ENTR1: variants seen among roughly 807,000 people sequenced by gnomAD.
ENTR1 encodes the protein endosome associated trafficking regulator 1.
A neutral mutation model predicts 47.9 loss-of-function variants in ENTR1; 47 were observed. That is an observed-to-expected ratio of 0.98 (90% CI 0.78 to 1.25). The LOEUF is 1.25. Among genes scored for constraint, ENTR1 ranks in the 50% most tolerant of loss-of-function variants. The pLI is 0.00. For synonymous variants in ENTR1, 290 were observed against 245.8 expected (o/e 1.18, Z -1.68); for missense variants, 668 against 570.5 (o/e 1.17, Z -1.74).
rs774493909 is a variant in ENTR1 at position 136,409,975 on chromosome 9, G to A, written c.220+115C>T. 13 of 1,278,770 alleles carry A rather than the reference G, an allele frequency of 1.0e-5. No homozygotes were observed. In the East Asian group the frequency reaches 2.8e-4, roughly 28 times the overall value. The allele number at this position is 1,278,770 out of a possible 1,614,324, so 79.2% of individuals were successfully genotyped here. On this transcript the variant is annotated intron_variant, in intron 2 of 9. Coordinates refer to ENST00000357365, the MANE Select transcript of ENTR1 (RefSeq NM_001039707.2). ...CCTTTGAATTCCGAGTGCCTGGCACGCAGTGAGCGCTCTGCACATTGATGG... is the reference window on the plus strand; with the variant it reads ...CCTTTGAATTCCGAGTGCCTGGCACACAGTGAGCGCTCTGCACATTGATGG...
Position 136,407,946 on chromosome 9 carries a change from A to G in ENTR1, c.290-8T>C. On this transcript the variant is annotated splice_region_variant and splice_polypyrimidine_tract_variant and intron_variant, in intron 3 of 9. Transcript: ENST00000357365. ...GATCTTCAAATCTGTCATCTGAAAT[A>G]ACAGACATCACAAATGCATAAAGTC... is the stretch of plus-strand genomic sequence containing the variant. The G allele has an allele frequency of 6.5e-7, 1 of 1,533,524 alleles. No homozygotes were observed. Among genetic ancestry groups the G allele is most frequent in the Non-Finnish European group, 9.0e-7 (1 of 1,107,026 alleles). 95.0% of individuals were successfully genotyped at this position (1,533,524 alleles called of 1,614,324 possible).
At chr9:136,404,961 A>C (rs1245078436) in intron 7 of ENTR1, 130 bp downstream of exon 7, 1 of 762,594 alleles carries the variant, frequency 1.3e-6, no homozygotes, top group Non-Finnish European at 2.2e-6. Context: ...ACGTCAAAGA[A>C]CACCAGTCCC....
rs764222238 is a variant in ENTR1 at position 136,404,609 on chromosome 9, TG to T, written c.1068+21del. ...GACTCCACAAATCAAAGAAAAACAC[TG>T]AAGTCCCTTCCTTTAATTACCTGGA... On this transcript the variant is annotated intron_variant, in intron 8 of 9. Transcript: ENST00000357365. The T allele has an allele frequency of 1.6e-5, 25 of 1,611,872 alleles. No individual in the cohort carries two copies. In the South Asian group the frequency reaches 2.7e-4, roughly 18 times the overall value.
chr9:136,405,194 G>A lies in ENTR1; in HGVS notation c.902C>T (p.Thr301Met), dbSNP rs959012211. The stretch of plus-strand genomic sequence containing the variant: ...TTTTGCTTCTAACTTCCGCTCAAGC[G>A]TCCTCACCCTTGTTAAAGAAAAACC... ...FSEAQTEMVR[T>M]LERKLEAKMI... Residue 301 changes from threonine (T) to methionine (M), a missense_variant, in exon 7 of 10, where the codon ACG becomes ATG. Coordinates refer to ENST00000357365, the MANE Select transcript of ENTR1 (RefSeq NM_001039707.2). 20 of 1,613,250 alleles carry A rather than the reference G, an allele frequency of 1.2e-5. No individual in the cohort carries two copies. The Middle Eastern group carries it at 4.9e-4, about 40-fold the overall frequency.
At position 136,410,213 on chromosome 9, in the gene ENTR1, A is replaced by G. The variant is rs775923508; in HGVS notation, c.97T>C (p.Cys33Arg). ...DAPAFYERRS[C>R]LPQLNCERPH... ...CGCTCACAATTTAGCTGGGGGAGAC[A>G]AGACCGGCGCTCATAGAACGCTGGA... Residue 33 changes from cysteine to arginine, a missense_variant, in exon 2 of 10, where the codon TGT becomes CGT. Cys to Arg is a radical substitution (Grantham distance 180). Coordinates refer to ENST00000357365, the MANE Select transcript of ENTR1 (RefSeq NM_001039707.2). 21 of 1,592,894 alleles carry G rather than the reference A, an allele frequency of 1.3e-5. No homozygotes were observed. The highest frequency in any genetic ancestry group is 7.2e-5 in the Admixed American group (4 of 55,406).
Position 136,402,863 on chromosome 9 carries a change from T to C in ENTR1, c.1233A>G (p.Thr411=), listed in dbSNP as rs761719699. Residue 411 remains threonine (T), a synonymous_variant, in exon 10 of 10, where the codon ACA becomes ACG. Coordinates refer to ENST00000357365, the MANE Select transcript of ENTR1 (RefSeq NM_001039707.2). The part of the protein sequence containing the change: ...SIKQLVSGAE[T]LNLVAEILKS... ...TAAGGATTTCGGCAACAAGATTCAG[T>C]GTCTCAGCTCCGGAAACCAGTTGCC... The C allele has an allele frequency of 3.7e-6, 6 of 1,611,604 alleles. No homozygotes were observed. Among genetic ancestry groups the C allele is most frequent in the Admixed American group, 3.3e-5 (2 of 59,778 alleles).
intron 9 of ENTR1, among the ~76,000 whole-genome samples, chr9:136,403,210 C>A (rs947845531): frequency 9.0e-6 from 1 of 111,292 alleles, no homozygotes; most frequent in Non-Finnish European, 1.8e-5. Context: ...GGAGGGATTC[C>A]ACAGGGGAAG....
rs773176688 is a variant in ENTR1, at chr9:136,407,442, CAGG to C, written c.519_521del (p.Leu174del). On this transcript the variant is annotated inframe_deletion, in exon 5 of 10. Coordinates refer to ENST00000357365, the MANE Select transcript of ENTR1 (RefSeq NM_001039707.2). ...CGGTGTCCTCATCCTCCTCCTCATC[CAGG>C]AGGTCACCAGCCCCTGTCGGATCCT... 1.3e-4 allele frequency: 207 copies of C among 1,610,812 alleles called. 1 individual carries two copies. In the East Asian group the frequency reaches 4.0e-3, roughly 31 times the overall value.
chr9:136,404,553 T>G (rs1414162637), intron 8 of ENTR1, 78 bp downstream of exon 8: 26 of 1,481,714 alleles, frequency 1.8e-5, no homozygotes, highest in Non-Finnish European at 2.4e-5. Context: ...CAGCAGAGTC[T>G]TTCGCCTCTT....
chr9:136,409,161 G>T, intron 2 of ENTR1, 94 bp from the exon 3 acceptor site: 1 of 1,041,832 alleles, frequency 9.6e-7, no homozygotes, highest in Non-Finnish European at 1.5e-6. Flanking sequence ...CTCCACTGCA[G>T]TGGTTCTCAC....
At chr9:136,403,226 T>C (rs1588779857) in intron 9 of ENTR1, among the ~76,000 whole-genome samples, 1 of 55,268 alleles carries the variant, frequency 1.8e-5, no homozygotes, top group East Asian at 4.5e-4. Flanking sequence ...GGAAGGGTTC[T>C]GGCGGGGAGA....
At chr9:136,409,735 C>A in intron 2 of ENTR1, 2 of 388,194 alleles carry the variant, frequency 5.2e-6, no homozygotes, top group South Asian at 2.0e-5. Context: ...GAGGACGAAC[C>A]AGATCTGGCC....
Position 136,402,880 on chromosome 9 carries a change from C to A in ENTR1, c.1216G>T (p.Val406Phe), listed in dbSNP as rs1468525627. Residue 406 changes from valine to phenylalanine, a missense_variant, in exon 10 of 10, where the codon GTT becomes TTT. By Grantham distance (50) the Val-to-Phe change is conservative. Coordinates refer to ENST00000357365, the MANE Select transcript of ENTR1 (RefSeq NM_001039707.2). ...NSAQASIKQL[V>F]SGAETLNLVA... is the part of the protein sequence containing the mutation. ...AGATTCAGTGTCTCAGCTCCGGAAA[C>A]CAGTTGCCTGAAAACAAGCATGGAT... 2 of 1,611,262 alleles carry A rather than the reference C, an allele frequency of 1.2e-6. No individual in the cohort carries two copies. Among genetic ancestry groups the A allele is most frequent in the East Asian group, 2.2e-5 (1 of 44,784 alleles).
intron 5 of ENTR1, chr9:136,406,916 A>G (rs1225169983): frequency 9.5e-6 from 5 of 527,192 alleles, no homozygotes; most frequent in Non-Finnish European, 1.7e-5. Flanking sequence ...TAAGTGCCCA[A>G]CTGCATCCAA....
chr9:136,410,047 G>A (rs773164798), intron 2 of ENTR1, 43 bp downstream of exon 2: 9 of 1,610,244 alleles, frequency 5.6e-6, no homozygotes, highest in East Asian at 2.2e-5. Context: ...CACGTGGCGC[G>A]GGAACTGGAA....
In ENTR1 at chr9:136,408,422, CA is replaced by C. The variant is rs554298245; in HGVS notation, c.290-485del. ...TGAAACCTCATCTCTACTAAAAATA[CA>C]AAAAATTAGCCAGGCGTGGTGGTGA... On this transcript the variant is annotated intron_variant, in intron 3 of 9. Transcript: ENST00000357365. Among the ~76,000 whole-genome samples the C allele has an allele frequency of 2.7e-4, 41 of 152,038 alleles. No individual in the cohort carries two copies. In the South Asian group the frequency reaches 8.1e-3, roughly 30 times the overall value.
Position 136,402,726 on chromosome 9 carries a change from G to T in ENTR1, c.*62C>A. 1 of 1,102,454 alleles carries T rather than the reference G, an allele frequency of 9.1e-7. No homozygotes were observed. Among genetic ancestry groups the T allele is most frequent in the Non-Finnish European group, 1.4e-6 (1 of 722,140 alleles). The allele number at this position is 1,102,454 out of a possible 1,614,324, so 68.3% of individuals were successfully genotyped here. The stretch of plus-strand genomic sequence containing the variant: ...ATTTAAGGACACAACTGCACATTTA[G>T]ATCGAGCGGTGGTGACCTCAGGGTA... On this transcript the variant is annotated 3_prime_UTR_variant, in exon 10 of 10. Coordinates refer to ENST00000357365, the MANE Select transcript of ENTR1 (RefSeq NM_001039707.2).
At position 136,410,431 on chromosome 9, in the gene ENTR1, C is replaced by G; in HGVS notation, c.-34G>C. The G allele has an allele frequency of 8.3e-7, 1 of 1,210,998 alleles. No homozygotes were observed. Among genetic ancestry groups the G allele is most frequent in the East Asian group, 3.7e-5 (1 of 27,372 alleles). 75.0% of individuals were successfully genotyped at this position (1,210,998 alleles called of 1,614,324 possible). On this transcript the variant is annotated 5_prime_UTR_variant, in exon 1 of 10. Coordinates refer to ENST00000357365, the MANE Select transcript of ENTR1 (RefSeq NM_001039707.2). Reference sequence around the variant, plus strand: ...GCCCGGCGGGGCACGACCTGCCTAGCCCGGCAGCGGCGGCTCCATGGCCCC... The same window carrying G: ...GCCCGGCGGGGCACGACCTGCCTAGGCCGGCAGCGGCGGCTCCATGGCCCC...
intron 3 of ENTR1, 31 bp from the exon 4 acceptor site, chr9:136,407,969 G>C: frequency 2.1e-6 from 3 of 1,402,282 alleles, no homozygotes; most frequent in Non-Finnish European, 3.0e-6. Flanking sequence ...AATGCATAAA[G>C]TCTACTGAAG....
Sources: allele counts gnomAD v4.1 joint callset (sites outside exome capture counted in the v4.1 genomes callset), GRCh38; gene constraint gnomAD v4.1.1; transcripts MANE v1.5; gene names NCBI Gene and HGNC (gene_info 2026-07-23, HGNC 2026-07-21).